The following CDC42EP3 variants were observed in gnomAD, a reference collection of about 807,000 sequenced individuals.
The protein encoded by CDC42EP3 is CDC42 effector protein (Rho GTPase binding) 3.
CDC42EP3 carries 4 observed loss-of-function variants against 15.5 expected under a neutral mutation model. The observed-to-expected ratio is 0.26, with a 90% confidence interval of 0.13 to 0.59. The LOEUF (loss-of-function observed/expected upper bound fraction) is 0.59. CDC42EP3 is among the 20% of genes least tolerant of loss of function. CDC42EP3 has a pLI of 0.89. For synonymous variants in CDC42EP3, 145 were observed against 130.3 expected (o/e 1.11, Z -0.77); for missense variants, 309 against 311.2 (o/e 0.99, Z 0.05).
In CDC42EP3 at chr2:37,644,328, T is replaced by G. The variant is rs1665370845; in HGVS notation, c.*1495A>C. 6.6e-6 allele frequency: 1 copy of G among 152,094 alleles called. No individual in the cohort carries two copies. Among genetic ancestry groups the G allele is most frequent in the African/African-American group, 2.4e-5 (1 of 41,380 alleles). 9.4% of individuals were successfully genotyped at this position (152,094 alleles called of 1,614,324 possible). A position where few individuals can be genotyped will look rare whatever the true frequency, so the allele number is the denominator to read the frequency against. On this transcript the variant is annotated 3_prime_UTR_variant, in exon 2 of 2. Transcript: ENST00000295324. ...GCTGGTAGTTACTGTGTGCAAGTGT[T>G]TTTCTTTGATGGGGAAGGAGTAGTT...
In CDC42EP3 at chr2:37,642,123, A is replaced by G. The variant is rs1479688575; in HGVS notation, c.*3700T>C. ...AATAAGGTCAACATTAAACATTCTCAGATGAAAAGCTTGCTGGATGAAATA... is the reference window on the plus strand; with the variant it reads ...AATAAGGTCAACATTAAACATTCTCGGATGAAAAGCTTGCTGGATGAAATA... On this transcript the variant is annotated 3_prime_UTR_variant, in exon 2 of 2. Transcript: ENST00000295324. 1.3e-5 allele frequency: 2 copies of G among 152,242 alleles called. No homozygotes were observed. Among genetic ancestry groups the G allele is most frequent in the African/African-American group, 4.8e-5 (2 of 41,462 alleles). The allele number at this position is 152,242 out of a possible 1,614,324, so 9.4% of individuals were successfully genotyped here. A position where few individuals can be genotyped will look rare whatever the true frequency, so the allele number is the denominator to read the frequency against.
At chr2:37,654,004 C>A (rs750383038) in intron 1 of CDC42EP3, among the ~76,000 whole-genome samples, 4 of 152,192 alleles carry the variant, frequency 2.6e-5, no homozygotes, top group Non-Finnish European at 4.4e-5. Flanking sequence ...CACAGTCGCA[C>A]TATGCGGCCA....
intron 1 of CDC42EP3, among the ~76,000 whole-genome samples, chr2:37,670,187 T>C (rs1666362368): frequency 6.6e-6 from 1 of 152,112 alleles, no homozygotes; most frequent in African/African-American, 2.4e-5. Context: ...CTCCCTGTGA[T>C]GTTAACAGGA....
chr2:37,653,691 A>G (rs374813897), intron 1 of CDC42EP3, among the ~76,000 whole-genome samples: 2 of 152,154 alleles, frequency 1.3e-5, no homozygotes, highest in South Asian at 4.1e-4. Flanking sequence ...TTAAAATTCC[A>G]TTTATTTTAA....
chr2:37,672,932 C>T (rs1666480887), upstream of CDC42EP3, among the ~76,000 whole-genome samples: 3 of 152,186 alleles, frequency 2.0e-5, no homozygotes, highest in East Asian at 5.8e-4. Context: ...TAAACCCAGG[C>T]TGACTTTAAG....
chr2:37,645,949 G>A lies in CDC42EP3; in HGVS notation c.639C>T (p.Leu213=), dbSNP rs745490213. 1 of 1,614,034 alleles carries A rather than the reference G, an allele frequency of 6.2e-7. No individual in the cohort carries two copies. The highest frequency in any genetic ancestry group is 1.1e-5 in the South Asian group (1 of 91,080). ...CCTCTGACTTAGTCTTTCCCTTGAT[G>A]AGCTCGCATGGGGTGGGATGGTCAA... ...DMFDHPTPCE[L]IKGKTKSEES... is the part of the protein sequence containing the mutation. The change falls in exon 2 of 2, where the codon CTC becomes CTT. Residue 213 remains leucine (L), a synonymous_variant. Coordinates refer to ENST00000295324, the MANE Select transcript of CDC42EP3 (RefSeq NM_006449.5).
intron 1 of CDC42EP3, chr2:37,647,639 A>G (rs1460725764): frequency 6.6e-6 from 1 of 152,502 alleles, no homozygotes; most frequent in Non-Finnish European, 1.5e-5. Flanking sequence ...CAGAATTCGA[A>G]GGGAGCCCCC....
In CDC42EP3 at chr2:37,645,728, C is replaced by T. The variant is rs15628; in HGVS notation, c.*95G>A. 0.074 allele frequency: 73,296 copies of T among 987,678 alleles called. 3,160 individuals carry two copies. The highest frequency in any genetic ancestry group is 0.14 in the South Asian group (5,977 of 43,750). 61.2% of individuals were successfully genotyped at this position (987,678 alleles called of 1,614,324 possible). A position where few individuals can be genotyped will look rare whatever the true frequency, so the allele number is the denominator to read the frequency against. On this transcript the variant is annotated 3_prime_UTR_variant, in exon 2 of 2. Transcript: ENST00000295324. The stretch of plus-strand genomic sequence containing the variant: ...GAATATTATTTTAGAAAACCCAACA[C>T]AAAACTGCAAATACAGCTCCGGAAG...
chr2:37,651,388 G>A (rs1222463348), intron 1 of CDC42EP3, among the ~76,000 whole-genome samples: 5 of 152,174 alleles, frequency 3.3e-5, no homozygotes, highest in Admixed American at 2.6e-4. Flanking sequence ...CTTTCCTGGA[G>A]AGCCAATTTT....
chr2:37,648,901 A>T (rs1003948670), intron 1 of CDC42EP3, among the ~76,000 whole-genome samples: 45 of 152,144 alleles, frequency 3.0e-4, no homozygotes, highest in Admixed American at 5.2e-4. Flanking sequence ...GGGTGGCCTG[A>T]GGAACAGCTG....
At chr2:37,653,360 C>T (rs776890473) in intron 1 of CDC42EP3, among the ~76,000 whole-genome samples, 4 of 152,120 alleles carry the variant, frequency 2.6e-5, no homozygotes, top group African/African-American at 9.7e-5. Flanking sequence ...GGAAGAGAGC[C>T]GGGTTGCACT....
chr2:37,658,407 C>T (rs551719364), intron 1 of CDC42EP3, among the ~76,000 whole-genome samples: 1 of 152,232 alleles, frequency 6.6e-6, no homozygotes, highest in African/African-American at 2.4e-5. Context: ...TCCTTGTGCA[C>T]AGTAGTATTG....
chr2:37,660,597 C>CTTATGGATT (rs1252518323), intron 1 of CDC42EP3, among the ~76,000 whole-genome samples: 23 of 152,052 alleles, frequency 1.5e-4, no homozygotes, highest in Non-Finnish European at 2.4e-4. Context: ...CTCTGTTGAC[C>CTTATGGATT]CACTTACTTT....
intron 1 of CDC42EP3, among the ~76,000 whole-genome samples, chr2:37,652,949 A>G (rs1222354612): frequency 1.3e-5 from 2 of 152,168 alleles, no homozygotes; most frequent in Admixed American, 6.5e-5. Context: ...TCTTATAGTT[A>G]GCCCTTTCTC....
intron 1 of CDC42EP3, among the ~76,000 whole-genome samples, chr2:37,647,956 A>G (rs771893625): frequency 6.6e-6 from 1 of 152,194 alleles, no homozygotes; most frequent in Non-Finnish European, 1.5e-5. Flanking sequence ...TAACTCAGGG[A>G]GATGCTGGAA....
chr2:37,671,355 G>A (rs890899897), intron 1 of CDC42EP3, 71 bp downstream of exon 1: 1 of 152,346 alleles, frequency 6.6e-6, no homozygotes, highest in Non-Finnish European at 1.5e-5. Flanking sequence ...CGCCGGAAGC[G>A]GCCACGGCCG....
At chr2:37,656,833 A>T (rs1417333902) in intron 1 of CDC42EP3, among the ~76,000 whole-genome samples, 2 of 152,188 alleles carry the variant, frequency 1.3e-5, no homozygotes, top group Non-Finnish European at 2.9e-5. Context: ...GTCAGAAGCC[A>T]AAAATGAGAA....
chr2:37,645,044 T>TAA lies in CDC42EP3; in HGVS notation c.*777_*778dup, dbSNP rs1468296486. On this transcript the variant is annotated 3_prime_UTR_variant, in exon 2 of 2. Coordinates refer to ENST00000295324, the MANE Select transcript of CDC42EP3 (RefSeq NM_006449.5). ...TGATAACAGATGAAGAAAAAAAAAC[T>TAA]AAGTATGAATACACTTTTCCAAACA... The TAA allele has an allele frequency of 3.9e-5, 6 of 152,198 alleles. No individual in the cohort carries two copies. The highest frequency in any genetic ancestry group is 1.2e-4 in the African/African-American group (5 of 41,504). The allele number at this position is 152,198 out of a possible 1,614,324, so 9.4% of individuals were successfully genotyped here.
chr2:37,665,172 G>C (rs752335303), intron 1 of CDC42EP3, among the ~76,000 whole-genome samples: 1 of 152,006 alleles, frequency 6.6e-6, no homozygotes, highest in Non-Finnish European at 1.5e-5. Context: ...TGTTACAATA[G>C]GAGAAGATAC....
Sources: gnomAD v4.1 joint callset for allele counts (sites outside exome capture counted in the v4.1 genomes callset) on GRCh38, gnomAD v4.1.1 for gene constraint, MANE v1.5 for transcripts, NCBI Gene and HGNC (gene_info 2026-07-23, HGNC 2026-07-21) for gene names.